The following WWTR1 variants were observed in gnomAD, a reference collection of about 807,000 sequenced individuals.
The protein encoded by WWTR1 is WW domain-containing transcription regulator protein 1.
WWTR1 carries 13 observed loss-of-function variants against 40.1 expected under a neutral mutation model. The ratio of observed to expected loss-of-function variants is 0.32; its 90% CI spans 0.21 to 0.52. The LOEUF is 0.52. Among genes scored for constraint, WWTR1 ranks in the 20% least tolerant of loss-of-function variants. The pLI, the probability that WWTR1 is intolerant of heterozygous loss-of-function variation, is 0.97. For synonymous variants in WWTR1, 230 were observed against 210.1 expected, an observed-to-expected ratio of 1.09 and a Z score of -0.82; for missense variants, 436 against 523.1, an observed-to-expected ratio of 0.83 and a Z score of 1.63.
intron 2 of WWTR1, among the ~76,000 whole-genome samples, chr3:149,629,424 A>T (rs932960492): frequency 2.6e-5 from 4 of 152,204 alleles, no homozygotes; most frequent in African/African-American, 7.2e-5. Context: ...TACGCTGGGG[A>T]ATCTGCTAAG....
At chr3:149,557,023 T>G (rs1736858619) in intron 3 of WWTR1, among the ~76,000 whole-genome samples, 1 of 146,862 alleles carries the variant, frequency 6.8e-6, no homozygotes, top group Non-Finnish European at 1.5e-5. Flanking sequence ...TATAGAAAAC[T>G]TCCCCATAAA....
chr3:149,517,300 C>T lies in WWTR1; in HGVS notation c.*3505G>A, dbSNP rs1734831078. 1 of 152,168 alleles carries T rather than the reference C, an allele frequency of 6.6e-6. No homozygotes were observed. Among genetic ancestry groups the T allele is most frequent in the African/African-American group, 2.4e-5 (1 of 41,414 alleles). The allele number at this position is 152,168 out of a possible 1,614,324, so 9.4% of individuals were successfully genotyped here. On this transcript the variant is annotated 3_prime_UTR_variant, in exon 7 of 7. Transcript: ENST00000360632. The stretch of plus-strand genomic sequence containing the variant: ...AGAAGTAAAAACCAGTACCAAACTC[C>T]AGGTAAAATGGTTTGATCTGATCGA...
intron 1 of WWTR1, among the ~76,000 whole-genome samples, chr3:149,683,878 G>A (rs6804325): frequency 0.13 from 20,351 of 151,968 alleles, 1,819 homozygotes; most frequent in African/African-American, 0.26. Flanking sequence ...TCCTGTTACT[G>A]TAGTTTGAGT....
intron 2 of WWTR1, among the ~76,000 whole-genome samples, chr3:149,656,253 T>C (rs1447517108): frequency 1.3e-5 from 2 of 152,210 alleles, no homozygotes; most frequent in Non-Finnish European, 2.9e-5. Flanking sequence ...AAGTTTAATG[T>C]AATAAAACTC....
intron 1 of WWTR1, 123 bp from the exon 2 acceptor site, chr3:149,657,432 A>C (rs1460818267): frequency 2.5e-6 from 3 of 1,180,592 alleles, no homozygotes; most frequent in Non-Finnish European, 3.5e-6. Flanking sequence ...GAGGAGACAG[A>C]TAATTGCCCG....
At chr3:149,708,507 C>G (rs1715389511) in intron 5 of WWTR1, among the ~76,000 whole-genome samples, 1 of 152,156 alleles carries the variant, frequency 6.6e-6, no homozygotes, top group Non-Finnish European at 1.5e-5. Flanking sequence ...TGGTAGCCAC[C>G]ATTCTACTTT....
chr3:149,575,136 A>G (rs143944797), intron 2 of WWTR1, among the ~76,000 whole-genome samples: 1 of 152,284 alleles, frequency 6.6e-6, no homozygotes, highest in East Asian at 1.9e-4. Context: ...TAAAGAGATG[A>G]AAATCATTTC....
intron 2 of WWTR1, among the ~76,000 whole-genome samples, chr3:149,666,503 G>A (rs1430440572): frequency 1.3e-5 from 2 of 152,150 alleles, no homozygotes; most frequent in Non-Finnish European, 2.9e-5. Flanking sequence ...TTGACCATAT[G>A]ATTGAAGACA....
chr3:149,543,580 C>CAAAAAAAAAAAAAAAAAAAAAAACAA (rs755442408), intron 3 of WWTR1, among the ~76,000 whole-genome samples: 1 of 31,226 alleles, frequency 3.2e-5, no homozygotes. Flanking sequence ...GACTCTGTCT[C>CAAAAAAAAAAAAAAAAAAAAAAACAA]AAAAAAAAAA....
rs1049574168 is a variant in WWTR1, at chr3:149,533,064, T to C, written c.772-5095A>G. ...GGAAAACAAACGCTAAGCTGGCTTG[T>C]CACTCATTTCCCACTGTGCTCCAGT... On this transcript the variant is annotated intron_variant, in intron 4 of 6. Coordinates refer to ENST00000360632, the MANE Select transcript of WWTR1 (RefSeq NM_015472.6). Among the ~76,000 whole-genome samples, 11 of 152,354 alleles carry C rather than the reference T, an allele frequency of 7.2e-5. 1 individual carries two copies. Among genetic ancestry groups the C allele is most frequent in the Admixed American group, 5.2e-4 (8 of 15,308 alleles).
In WWTR1 at chr3:149,616,442, C is replaced by T. The variant is rs895325679; in HGVS notation, c.431+40434G>A. 7.9e-5 allele frequency among the ~76,000 whole-genome samples: 12 copies of T among 151,196 alleles called. No individual in the cohort carries two copies. The East Asian group carries it at 2.3e-3, about 29-fold the overall frequency. ...TAAAATGGCTGTCCTCTCTCTCTCT[C>T]TCTTTTTTTTTTTTTCCGAGGTGGA... On this transcript the variant is annotated intron_variant, in intron 2 of 6. Coordinates refer to ENST00000360632, the MANE Select transcript of WWTR1 (RefSeq NM_015472.6).
upstream of WWTR1, among the ~76,000 whole-genome samples, chr3:149,662,397 C>T (rs944221620): frequency 5.9e-5 from 9 of 152,170 alleles, no homozygotes; most frequent in African/African-American, 2.2e-4. Context: ...GTAAATCTTT[C>T]CATTTGCAAA....
intron 2 of WWTR1, among the ~76,000 whole-genome samples, chr3:149,664,714 G>A (rs532214888): frequency 4.0e-5 from 6 of 151,302 alleles, no homozygotes; most frequent in East Asian, 2.0e-4. Context: ...TCAGCCTCCC[G>A]AGTAGCTGGG....
chr3:149,719,486 T>C (rs1715705010), intron 4 of WWTR1, among the ~76,000 whole-genome samples: 1 of 152,172 alleles, frequency 6.6e-6, no homozygotes, highest in African/African-American at 2.4e-5. Flanking sequence ...CTGAACAATA[T>C]TCTATTGTAA....
intron 2 of WWTR1, among the ~76,000 whole-genome samples, chr3:149,590,051 G>A (rs1738622518): frequency 6.6e-6 from 1 of 152,038 alleles, no homozygotes; most frequent in Admixed American, 6.6e-5. Context: ...CAAACTGCTC[G>A]GCTGAGCCTC....
chr3:149,577,861 G>A (rs140342081), intron 2 of WWTR1, among the ~76,000 whole-genome samples: 3 of 152,094 alleles, frequency 2.0e-5, no homozygotes, highest in African/African-American at 4.8e-5. Context: ...AGCCTGCGGA[G>A]GGGGTGTTAA....
chr3:149,572,873 G>A lies in WWTR1; in HGVS notation c.559C>T (p.Pro187Ser). The change falls in exon 3 of 7, where the codon CCA (proline) becomes TCA (serine). Residue 187 changes from proline to serine, a missense_variant. Coordinates refer to ENST00000360632, the MANE Select transcript of WWTR1 (RefSeq NM_015472.6). ...AAAGCTTGAGGCTTACCGAGATTTG[G>A]CTGGGATACTGCCATGGACCTCTGA... Reference protein sequence around the residue: ...VPQRSMAVSQPNLVMNHQHQQ... With the variant: ...VPQRSMAVSQSNLVMNHQHQQ... The A allele has an allele frequency of 6.2e-7, 1 of 1,613,704 alleles. No homozygotes were observed. The highest frequency in any genetic ancestry group is 8.5e-7 in the Non-Finnish European group (1 of 1,179,940).
At chr3:149,543,071 A>C (rs1350087797) in intron 3 of WWTR1, among the ~76,000 whole-genome samples, 1 of 152,264 alleles carries the variant, frequency 6.6e-6, no homozygotes, top group Non-Finnish European at 1.5e-5. Flanking sequence ...TTTGAAAAGC[A>C]TGCTGCAAGG....
upstream of WWTR1, among the ~76,000 whole-genome samples, chr3:149,662,205 A>G (rs1713617850): frequency 2.0e-5 from 3 of 152,150 alleles, no homozygotes; most frequent in Non-Finnish European, 4.4e-5. Flanking sequence ...CCTGAGATTC[A>G]GCCCAGGGTT....
Sources: allele counts gnomAD v4.1 joint callset (sites outside exome capture counted in the v4.1 genomes callset), GRCh38; gene constraint gnomAD v4.1.1; transcripts MANE v1.5; gene names NCBI Gene and HGNC (gene_info 2026-07-23, HGNC 2026-07-21).